EGFL7: variants seen among roughly 807,000 people sequenced by gnomAD.
The protein encoded by EGFL7 is EGF like domain multiple 7.
EGFL7 carries 48 observed loss-of-function variants against 37.1 expected under a neutral mutation model. The observed-to-expected ratio is 1.29, with a 90% CI of 1.03 to 1.65. EGFL7 has a LOEUF of 1.65. EGFL7 is among the 40% of genes most tolerant of loss of function. EGFL7 has a pLI of 0.00. For synonymous variants in EGFL7, 180 were observed against 156.8 expected, an observed-to-expected ratio of 1.15 and a Z score of -1.10; for missense variants, 384 against 378.9, an observed-to-expected ratio of 1.01 and a Z score of -0.11.
chr9:136,670,612 G>A (rs371589474), intron 8 of EGFL7: 28 of 774,070 alleles, frequency 3.6e-5, no homozygotes, highest in African/African-American at 2.0e-4. Flanking sequence ...CGCTGGCGAC[G>A]GGACATTATT....
At chr9:136,665,792 G>C (rs991833273) in intron 3 of EGFL7, 4 of 146,518 alleles carry the variant, frequency 2.7e-5, no homozygotes, top group Non-Finnish European at 6.1e-5. Flanking sequence ...CAGTGGCGGC[G>C]GCGCGTGCGC....
chr9:136,660,753 T>C (rs1347289595), upstream of EGFL7, among the ~76,000 whole-genome samples: 1 of 152,036 alleles, frequency 6.6e-6, no homozygotes, highest in East Asian at 1.9e-4. Context: ...CTGCTCCAGG[T>C]TGGGACATAG....
intron 1 of EGFL7, 92 bp from the exon 2 acceptor site, chr9:136,663,310 CCCAGCG>C (rs1845260401): frequency 6.6e-6 from 1 of 152,454 alleles, no homozygotes; most frequent in South Asian, 2.1e-4. Context: ...TAGTGGGTGG[CCCAGCG>C]TAGATCCCAA....
At position 136,672,427 on chromosome 9, in the gene EGFL7, C is replaced by G. The variant is rs1845982451; in HGVS notation, c.*141C>G. The G allele has an allele frequency of 9.8e-7, 1 of 1,017,942 alleles. No individual in the cohort carries two copies. The allele number at this position is 1,017,942 out of a possible 1,614,324, so 63.1% of individuals were successfully genotyped here. Reference sequence around the variant, plus strand: ...GCAGGGCCTTCCTCCTCTTCCTCCTCCCCTTCCTCGGGAGGCTCCCCAGAC... The same window carrying G: ...GCAGGGCCTTCCTCCTCTTCCTCCTGCCCTTCCTCGGGAGGCTCCCCAGAC... On this transcript the variant is annotated 3_prime_UTR_variant, in exon 11 of 11. Transcript: ENST00000308874.
chr9:136,670,352 T>A (rs1845766906), intron 8 of EGFL7, 22 bp downstream of exon 8: 16 of 1,530,420 alleles, frequency 1.0e-5, no homozygotes, highest in Non-Finnish European at 1.4e-5. Context: ...TGGCTGTGCC[T>A]GGCCTGGGGA....
chr9:136,672,629 C>T lies in EGFL7; in HGVS notation c.*343C>T. ...AGGCAGCCCGGAGGCTGGGTGGGGCCTCAGTGGGGGCTGCTGCCTGACCCC... is the reference window on the plus strand; with the variant it reads ...AGGCAGCCCGGAGGCTGGGTGGGGCTTCAGTGGGGGCTGCTGCCTGACCCC... On this transcript the variant is annotated 3_prime_UTR_variant, in exon 11 of 11. Coordinates refer to ENST00000308874, the MANE Select transcript of EGFL7 (RefSeq NM_016215.5). 1 of 465,174 alleles carries T rather than the reference C, an allele frequency of 2.1e-6. No homozygotes were observed. The highest frequency in any genetic ancestry group is 3.4e-5 in the South Asian group (1 of 29,762). 28.8% of individuals were successfully genotyped at this position (465,174 alleles called of 1,614,324 possible).
chr9:136,669,657 G>A lies in EGFL7; in HGVS notation c.249G>A (p.Arg83=), dbSNP rs763673186. The A allele has an allele frequency of 3.4e-5, 54 of 1,610,620 alleles. No individual in the cohort carries two copies. Among genetic ancestry groups the A allele is most frequent in the East Asian group, 2.0e-4 (9 of 44,840 alleles). Residue 83 remains arginine (R), a synonymous_variant, in exon 6 of 11, where the codon AGG becomes AGA. Coordinates refer to ENST00000308874, the MANE Select transcript of EGFL7 (RefSeq NM_016215.5). ...YRRSPGLAPA[R]PRYACCPGWK... ...GCAGCCCTGGGCTGGCCCCTGCCAG[G>A]CCTCGCTACGCGTGCTGCCCCGGCT...
chr9:136,660,779 G>A (rs1845097140), upstream of EGFL7, among the ~76,000 whole-genome samples: 1 of 152,186 alleles, frequency 6.6e-6, no homozygotes, highest in Non-Finnish European at 1.5e-5. Context: ...GCTGGGGTGG[G>A]GGACATGGGG....
chr9:136,660,906 C>T (rs1473175938), upstream of EGFL7, among the ~76,000 whole-genome samples: 1 of 152,176 alleles, frequency 6.6e-6, no homozygotes, highest in Non-Finnish European at 1.5e-5. Context: ...CAGTTTCCCC[C>T]TCTGTACACA....
rs771541911 is a variant in EGFL7, at chr9:136,672,152, A to G, written c.799+64A>G. ...TGGGCCCAGTGGGCCTAGAGGGGCT[A>G]CCCAGGCTTGGGGGTCGGGGGCGAC... On this transcript the variant is annotated intron_variant, in intron 10 of 10. Coordinates refer to ENST00000308874, the MANE Select transcript of EGFL7 (RefSeq NM_016215.5). 2.9e-5 allele frequency: 46 copies of G among 1,581,454 alleles called. No homozygotes were observed. In the South Asian group the frequency reaches 5.1e-4, roughly 18 times the overall value.
At chr9:136,668,850 C>A (rs1054385081) in intron 5 of EGFL7, among the ~76,000 whole-genome samples, 177 bp downstream of exon 5, 2 of 152,126 alleles carry the variant, frequency 1.3e-5, no homozygotes, top group Non-Finnish European at 2.9e-5. Context: ...CAAGGGGTTC[C>A]ACGATCACCT....
chr9:136,669,244 C>A (rs563419333), intron 5 of EGFL7, among the ~76,000 whole-genome samples: 1 of 152,214 alleles, frequency 6.6e-6, no homozygotes, highest in Non-Finnish European at 1.5e-5. Context: ...AGAAGGGCTC[C>A]GATGCCCAGG....
Position 136,672,013 on chromosome 9 carries a change from C to T in EGFL7, c.724C>T (p.His242Tyr). 6.5e-7 allele frequency: 1 copy of T among 1,544,440 alleles called. No homozygotes were observed. The highest frequency in any genetic ancestry group is 8.7e-7 in the Non-Finnish European group (1 of 1,146,802). Reference sequence around the variant, plus strand: ...CCCGGACCCCGGCAGCCTCCTGGTGCACTCCTTCCAGCAGCTCGGCCGCAT... The same window carrying T: ...CCCGGACCCCGGCAGCCTCCTGGTGTACTCCTTCCAGCAGCTCGGCCGCAT... ...GLPDPGSLLV[H>Y]SFQQLGRIDS... Residue 242 changes from histidine to tyrosine, a missense_variant, in exon 10 of 11, where the codon CAC becomes TAC. His to Tyr is a moderately conservative substitution (Grantham distance 83, BLOSUM62 2). Coordinates refer to ENST00000308874, the MANE Select transcript of EGFL7 (RefSeq NM_016215.5).
At position 136,666,058 on chromosome 9, in the gene EGFL7, CT is replaced by C. The variant is rs2119103090; in HGVS notation, c.-43+1274del. Among the ~76,000 whole-genome samples, 1 of 145,980 alleles carries C rather than the reference CT, an allele frequency of 6.9e-6. No homozygotes were observed. Among genetic ancestry groups the C allele is most frequent in the East Asian group, 2.0e-4 (1 of 5,030 alleles). ...CAGCGGCCCCGGGAACCGGCTCCCC[CT>C]GCCGGCGGCGGGCGGGCGGGCGGCG... On this transcript the variant is annotated intron_variant, in intron 3 of 10. Coordinates refer to ENST00000308874, the MANE Select transcript of EGFL7 (RefSeq NM_016215.5). The surrounding 1 kb of genome is among the most constrained non-coding windows in gnomAD (Gnocchi z 6.8).
At chr9:136,669,524 C>G in intron 5 of EGFL7, 82 bp from the exon 6 acceptor site, 1 of 1,042,766 alleles carries the variant, frequency 9.6e-7, no homozygotes, top group South Asian at 1.4e-5. Flanking sequence ...ACCCTGTGCA[C>G]TCTGAGAGGG....
chr9:136,672,392 G>A lies in EGFL7; in HGVS notation c.*106G>A, dbSNP rs377603400. 2.4e-5 allele frequency: 34 copies of A among 1,442,516 alleles called. No individual in the cohort carries two copies. Among genetic ancestry groups the A allele is most frequent in the Admixed American group, 7.0e-5 (4 of 57,440 alleles). The allele number at this position is 1,442,516 out of a possible 1,614,324, so 89.4% of individuals were successfully genotyped here. A position where few individuals can be genotyped will look rare whatever the true frequency, so the allele number is the denominator to read the frequency against. On this transcript the variant is annotated 3_prime_UTR_variant, in exon 11 of 11. Coordinates refer to ENST00000308874, the MANE Select transcript of EGFL7 (RefSeq NM_016215.5). ...AGAAACCACCTCGGGGTGACTGAGC[G>A]GAAGGCCAGGCAGGGCCTTCCTCCT...
Position 136,669,528 on chromosome 9 carries a change from G to A in EGFL7, c.198-78G>A, listed in dbSNP as rs534793874. 2.0e-5 allele frequency: 22 copies of A among 1,084,912 alleles called. No homozygotes were observed. The African/African-American group carries it at 2.9e-4, about 15-fold the overall frequency. 67.2% of individuals were successfully genotyped at this position (1,084,912 alleles called of 1,614,324 possible). ...ATGCTGGGGTGACCCTGTGCACTCTGAGAGGGGACTCTAGATGCCCAGCAG... is the reference window on the plus strand; with the variant it reads ...ATGCTGGGGTGACCCTGTGCACTCTAAGAGGGGACTCTAGATGCCCAGCAG... On this transcript the variant is annotated intron_variant, in intron 5 of 10. Transcript: ENST00000308874.
chr9:136,670,818 G>C (rs1313162402), intron 8 of EGFL7, 132 bp from the exon 9 acceptor site: 2 of 889,792 alleles, frequency 2.2e-6, no homozygotes, highest in South Asian at 1.5e-5. Context: ...GCCAGCGCCA[G>C]GCAGGCAGCG....
At position 136,670,028 on chromosome 9, in the gene EGFL7, TG is replaced by T; in HGVS notation, c.409+25del. 6.3e-7 allele frequency: 1 copy of T among 1,586,420 alleles called. No individual in the cohort carries two copies. The highest frequency in any genetic ancestry group is 8.6e-7 in the Non-Finnish European group (1 of 1,163,858). ...CAGTCAGGTGAGGCTGGCTCTACCC[TG>T]GGGGGCCCTGGAAGGGTCCTGGGCA... On this transcript the variant is annotated intron_variant, in intron 7 of 10. Transcript: ENST00000308874.
Sources: allele counts gnomAD v4.1 joint callset (sites outside exome capture counted in the v4.1 genomes callset), GRCh38; gene constraint gnomAD v4.1.1; non-coding constraint Gnocchi (gnomAD v3.1); transcripts MANE v1.5; gene names NCBI Gene and HGNC (gene_info 2026-07-23, HGNC 2026-07-21).